Variants in MORN1 observed in about 807,000 individuals in gnomAD.
The protein encoded by MORN1 is MORN repeat containing 1.
Under a neutral mutation model 61.9 loss-of-function variants are expected in MORN1, and 67 were observed. The observed-to-expected ratio is 1.08, with a 90% confidence interval of 0.89 to 1.33. MORN1 has a LOEUF of 1.33. MORN1 is among the 40% of genes most tolerant of loss of function. The probability of loss-of-function intolerance (pLI) is 0.00; values close to 1 mark genes in which losing one functional copy is unlikely to be tolerated. For synonymous variants in MORN1, 301 were observed against 292.0 expected (o/e 1.03, Z -0.31); for missense variants, 752 against 691.2 (o/e 1.09, Z -0.99).
Position 2,372,785 on chromosome 1 carries a change from C to T in MORN1, c.635-194G>A, listed in dbSNP as rs1033062980. The stretch of plus-strand genomic sequence containing the variant: ...ACCTGGGCAGTCGTCCACACTCAGA[C>T]CGTGAGGCTCGGCTCTGCTGGCCTG... On this transcript the variant is annotated intron_variant, in intron 7 of 13. Coordinates refer to ENST00000378531, the MANE Select transcript of MORN1 (RefSeq NM_024848.3). The surrounding 1 kb of genome is among the most constrained non-coding windows in gnomAD (Gnocchi z 5.4). Among the ~76,000 whole-genome samples, 4 of 152,266 alleles carry T rather than the reference C, an allele frequency of 2.6e-5. No homozygotes were observed. Among genetic ancestry groups the T allele is most frequent in the African/African-American group, 9.6e-5 (4 of 41,474 alleles).
rs903914 is a variant in MORN1, at chr1:2,357,882, G to A, written c.870-284C>T. ...TCCAGCAGCGTCACCTCTCGGGTGC[G>A]TTCTGACTTCACAGTGGGTCCAAGT... On this transcript the variant is annotated intron_variant, in intron 9 of 13. Transcript: ENST00000378531. The surrounding 1 kb of genome is among the most constrained non-coding windows in gnomAD (Gnocchi z 6.3). Among the ~76,000 whole-genome samples, 26,878 of 152,120 alleles carry A rather than the reference G, an allele frequency of 0.18. 2,809 individuals carry two copies. The highest frequency in any genetic ancestry group is 0.24 in the Non-Finnish European group (16,626 of 67,966).
chr1:2,372,426 T>A lies in MORN1; in HGVS notation c.745+55A>T. The A allele has an allele frequency of 7.2e-7, 1 of 1,385,954 alleles. No individual in the cohort carries two copies. The allele number at this position is 1,385,954 out of a possible 1,614,324, so 85.9% of individuals were successfully genotyped here. A position where few individuals can be genotyped will look rare whatever the true frequency, so the allele number is the denominator to read the frequency against. ...TCCGCATCTTCACTGCTTAAGAACC[T>A]GCTGCCTGTTTCTCTTTTGGAAACG... On this transcript the variant is annotated intron_variant, in intron 8 of 13. Coordinates refer to ENST00000378531, the MANE Select transcript of MORN1 (RefSeq NM_024848.3). The surrounding 1 kb of genome is among the most constrained non-coding windows in gnomAD (Gnocchi z 5.4).
chr1:2,332,607 G>T, intron 12 of MORN1: 1 of 456,562 alleles, frequency 2.2e-6, no homozygotes, highest in Non-Finnish European at 4.4e-6. Flanking sequence ...CAGGTTGGGG[G>T]CCAGGAGGGC....
intron 12 of MORN1, among the ~76,000 whole-genome samples, chr1:2,335,456 G>T (rs890445174): frequency 6.6e-6 from 1 of 152,194 alleles, no homozygotes; most frequent in African/African-American, 2.4e-5. Context: ...CGCTGGGGAT[G>T]CCTGGAGCCC....
chr1:2,351,710 C>G, intron 10 of MORN1: 1 of 478,792 alleles, frequency 2.1e-6, no homozygotes, highest in South Asian at 1.8e-5. Flanking sequence ...TTAGTTTCAT[C>G]TTTCTGAACT....
chr1:2,324,018 C>G (rs767852958), intron 13 of MORN1, 79 bp downstream of exon 13: 2 of 1,499,698 alleles, frequency 1.3e-6, no homozygotes, highest in Non-Finnish European at 1.8e-6. Context: ...CCCCCAACCC[C>G]ACCTCCAGCC....
At chr1:2,359,128 G>T (rs552097022) in intron 8 of MORN1, among the ~76,000 whole-genome samples, 169 of 152,264 alleles carry the variant, frequency 1.1e-3, no homozygotes, top group African/African-American at 3.9e-3. Flanking sequence ...CCAGGCCTTG[G>T]GCTGGTCAGG....
At chr1:2,338,386 C>T (rs1166283589) in intron 10 of MORN1, among the ~76,000 whole-genome samples, 3 of 152,216 alleles carry the variant, frequency 2.0e-5, no homozygotes, top group South Asian at 2.1e-4. Context: ...GGGAGCTGCA[C>T]TGCTGACGGC....
rs1266418204 is a variant in MORN1 at position 2,372,445 on chromosome 1, G to A, written c.745+36C>T. On this transcript the variant is annotated intron_variant, in intron 8 of 13. Coordinates refer to ENST00000378531, the MANE Select transcript of MORN1 (RefSeq NM_024848.3). The surrounding 1 kb of genome is among the most constrained non-coding windows in gnomAD (Gnocchi z 5.4). ...AGAACCTGCTGCCTGTTTCTCTTTT[G>A]GAAACGTTAGGTCATCTCCCCCTGG... is the stretch of plus-strand genomic sequence containing the variant. 6.6e-7 allele frequency: 1 copy of A among 1,515,458 alleles called. No homozygotes were observed. The allele number at this position is 1,515,458 out of a possible 1,614,324, so 93.9% of individuals were successfully genotyped here. A position where few individuals can be genotyped will look rare whatever the true frequency, so the allele number is the denominator to read the frequency against.
At chr1:2,379,351 G>C (rs181560115) in intron 6 of MORN1, 5 of 358,472 alleles carry the variant, frequency 1.4e-5, no homozygotes, top group Non-Finnish European at 2.2e-5. Context: ...AAAAATAAAC[G>C]AACAGCCGGC....
At chr1:2,342,866 TA>T (rs1641428097) in intron 10 of MORN1, among the ~76,000 whole-genome samples, 1 of 81,084 alleles carries the variant, frequency 1.2e-5, no homozygotes, top group Non-Finnish European at 2.7e-5. Context: ...TATTTTATTT[TA>T]TTTATTTTAT....
intron 8 of MORN1, among the ~76,000 whole-genome samples, chr1:2,366,797 A>T (rs987003725): frequency 6.6e-6 from 1 of 152,170 alleles, no homozygotes; most frequent in Non-Finnish European, 1.5e-5. Flanking sequence ...CAGCCTCTCA[A>T]AATGCTAGGA....
At chr1:2,356,352 G>C (rs1435484944) in intron 10 of MORN1, among the ~76,000 whole-genome samples, 4 of 152,174 alleles carry the variant, frequency 2.6e-5, no homozygotes, top group African/African-American at 7.2e-5. Context: ...ACATTTATCT[G>C]CATGTGGAAG....
intron 10 of MORN1, 30 bp from the exon 11 acceptor site, chr1:2,336,880 TGA>T: frequency 6.6e-7 from 1 of 1,526,002 alleles, no homozygotes; most frequent in East Asian, 2.3e-5. Flanking sequence ...AAAGACCCTA[TGA>T]GGGGCTCAGG....
chr1:2,389,385 C>T (rs1291162300), intron 2 of MORN1, among the ~76,000 whole-genome samples: 1 of 152,236 alleles, frequency 6.6e-6, no homozygotes, highest in African/African-American at 2.4e-5. Context: ...TCTCCTGGCT[C>T]AGCCTGCCAA....
intron 10 of MORN1, among the ~76,000 whole-genome samples, chr1:2,343,356 T>C (rs1641443180): frequency 6.6e-6 from 1 of 152,138 alleles, no homozygotes; most frequent in Non-Finnish European, 1.5e-5. Context: ...CCAGAGCCGC[T>C]GGGCCCTGTG....
chr1:2,336,340 G>T, intron 12 of MORN1, 129 bp downstream of exon 12: 1 of 900,572 alleles, frequency 1.1e-6, no homozygotes, highest in Non-Finnish European at 1.6e-6. Context: ...AGCGAGGCCC[G>T]TGTAGGCTCA....
chr1:2,331,238 G>A (rs975444780), intron 12 of MORN1, among the ~76,000 whole-genome samples: 4 of 152,120 alleles, frequency 2.6e-5, no homozygotes, highest in South Asian at 2.1e-4. Context: ...GGAGCCCCTC[G>A]TGCAGCCTCC....
rs115011406 is a variant in MORN1 at position 2,335,837 on chromosome 1, C to G, written c.1250+632G>C. Among the ~76,000 whole-genome samples, 14 of 151,468 alleles carry G rather than the reference C, an allele frequency of 9.2e-5. 1 individual carries two copies. Among genetic ancestry groups the G allele is most frequent in the African/African-American group, 3.4e-4 (14 of 40,754 alleles). ...GGCCTCCTCGCCTCCATAGCCCAGCCCAGCCCAGCGCGCAGCTGCCCCCAA... is the reference window on the plus strand; with the variant it reads ...GGCCTCCTCGCCTCCATAGCCCAGCGCAGCCCAGCGCGCAGCTGCCCCCAA... On this transcript the variant is annotated intron_variant, in intron 12 of 13. Transcript: ENST00000378531.
Sources: gnomAD v4.1 joint callset for allele counts (sites outside exome capture counted in the v4.1 genomes callset) on GRCh38, gnomAD v4.1.1 for gene constraint, Gnocchi (gnomAD v3.1) non-coding constraint, MANE v1.5 for transcripts, NCBI Gene and HGNC (gene_info 2026-07-23, HGNC 2026-07-21) for gene names.